ZFYVE9: variants seen among roughly 807,000 people sequenced by gnomAD.
ZFYVE9 encodes the protein zinc finger FYVE domain-containing protein 9.
A neutral mutation model predicts 126.7 loss-of-function variants in ZFYVE9; 43 were observed. The ratio of observed to expected loss-of-function variants is 0.34; its 90% CI spans 0.27 to 0.44. ZFYVE9 has a LOEUF of 0.44. ZFYVE9 is among the 20% of genes least tolerant of loss of function. The pLI is 1.00. For missense variants in ZFYVE9, 1,476 were observed against 1,697.0 expected (o/e 0.87, Z 2.29); for synonymous variants, 521 against 597.4 (o/e 0.87, Z 1.87).
chr1:52,261,554 A>G (rs895946943), intron 4 of ZFYVE9, among the ~76,000 whole-genome samples: 1 of 152,208 alleles, frequency 6.6e-6, no homozygotes. Context: ...ATATTTGTGG[A>G]ATAAATGAGT....
intron 4 of ZFYVE9, among the ~76,000 whole-genome samples, chr1:52,255,977 T>TTCCTTCCTTCC (rs1557484297): frequency 1.5e-5 from 2 of 135,292 alleles, no homozygotes; most frequent in African/African-American, 6.7e-5. Context: ...TCTTTCTTTC[T>TTCCTTCCTTCC]TTCTTTCCTT....
chr1:52,288,714 C>G (rs184973593), intron 10 of ZFYVE9, among the ~76,000 whole-genome samples: 7 of 152,020 alleles, frequency 4.6e-5, no homozygotes, highest in African/African-American at 1.4e-4. Flanking sequence ...CACTTGAGGT[C>G]GTGAGTTTGA....
chr1:52,293,847 A>G (rs564540451), intron 11 of ZFYVE9, among the ~76,000 whole-genome samples, 170 bp downstream of exon 11: 14 of 152,362 alleles, frequency 9.2e-5, no homozygotes, highest in Admixed American at 6.5e-5. Context: ...ACTGAAAATA[A>G]CGAATGAGGA....
intron 1 of ZFYVE9, among the ~76,000 whole-genome samples, chr1:52,196,951 A>G (rs1469130590): frequency 6.6e-6 from 1 of 152,180 alleles, no homozygotes; most frequent in East Asian, 1.9e-4. Flanking sequence ...GAGTCTTGAT[A>G]TTATATTTAA....
chr1:52,314,365 A>T (rs1031035305), intron 13 of ZFYVE9, among the ~76,000 whole-genome samples: 1 of 152,210 alleles, frequency 6.6e-6, no homozygotes, highest in East Asian at 1.9e-4. Context: ...CCTATATTTT[A>T]TACCCAGTAA....
Position 52,238,310 on chromosome 1 carries a change from G to A in ZFYVE9, c.893G>A (p.Ser298Asn), listed in dbSNP as rs1347247272. ...IPDEDLTGKI[S>N]SPRTDLGSPN... ...GATGAGGACCTCACTGGCAAAATCA[G>A]CTCTCCTAGGACAGATCTAGGGAGT... Residue 298 changes from serine (S) to asparagine (N), a missense_variant, in exon 4 of 19, where the codon AGC (serine) becomes AAC (asparagine). By Grantham distance (46) the Ser-to-Asn change is conservative. Transcript: ENST00000287727. The A allele has an allele frequency of 6.2e-7, 1 of 1,613,758 alleles. No homozygotes were observed. The highest frequency in any genetic ancestry group is 1.7e-5 in the Admixed American group (1 of 59,998).
rs749250100 is a variant in ZFYVE9 at position 52,332,872 on chromosome 1, A to C, written c.3543A>C (p.Gly1181=). ...TTGTGTGTGTACAGAATGATGATGG[A>C]AACTATCAGACCCAGGCTATCAGTA... is the stretch of plus-strand genomic sequence containing the variant. ...SHLVCVQNDD[G]NYQTQAISIH... Residue 1181 remains glycine, a synonymous_variant, in exon 14 of 19, where the codon GGA becomes GGC. Transcript: ENST00000287727. 4 of 1,614,070 alleles carry C rather than the reference A, an allele frequency of 2.5e-6. No individual in the cohort carries two copies. The highest frequency in any genetic ancestry group is 1.7e-6 in the Non-Finnish European group (2 of 1,180,022).
At chr1:52,242,406 C>T (rs2124635697) in intron 4 of ZFYVE9, among the ~76,000 whole-genome samples, 1 of 152,238 alleles carries the variant, frequency 6.6e-6, no homozygotes, top group East Asian at 1.9e-4. Flanking sequence ...AATTCAGTTC[C>T]AAGCTTGATG....
chr1:52,186,013 G>A (rs1484456156), intron 1 of ZFYVE9, among the ~76,000 whole-genome samples: 1 of 151,054 alleles, frequency 6.6e-6, no homozygotes, highest in African/African-American at 2.4e-5. Flanking sequence ...GGCCGAGACG[G>A]GTGGATCACT....
intron 10 of ZFYVE9, among the ~76,000 whole-genome samples, chr1:52,286,133 G>A (rs1336246681): frequency 1.3e-5 from 2 of 149,780 alleles, no homozygotes; most frequent in Non-Finnish European, 3.0e-5. Context: ...TCCAGCTTGG[G>A]CAACAAGAAT....
chr1:52,302,935 C>G (rs1646049145), intron 12 of ZFYVE9, among the ~76,000 whole-genome samples: 1 of 152,042 alleles, frequency 6.6e-6, no homozygotes, highest in South Asian at 2.1e-4. Context: ...CATGGTGAAA[C>G]CTTGTCTCTA....
At chr1:52,269,856 T>G (rs1204977597) in intron 7 of ZFYVE9, among the ~76,000 whole-genome samples, 1 of 152,012 alleles carries the variant, frequency 6.6e-6, no homozygotes, top group African/African-American at 2.4e-5. Context: ...GCCGCAGACA[T>G]GGCTCTCTGC....
chr1:52,302,103 C>T (rs1269599715), intron 12 of ZFYVE9, among the ~76,000 whole-genome samples: 1 of 152,154 alleles, frequency 6.6e-6, no homozygotes. Flanking sequence ...TTTAGTAATT[C>T]TAACTTCTTG....
chr1:52,315,756 T>TA (rs554191419), intron 13 of ZFYVE9, among the ~76,000 whole-genome samples: 8 of 151,820 alleles, frequency 5.3e-5, no homozygotes, highest in Admixed American at 2.0e-4. Context: ...CCAGCCATAT[T>TA]AAAAAAAATG....
At chr1:52,236,529 C>T (rs1035338059) in intron 3 of ZFYVE9, among the ~76,000 whole-genome samples, 9 of 152,118 alleles carry the variant, frequency 5.9e-5, no homozygotes, top group Admixed American at 3.3e-4. Context: ...GTGCATTGTT[C>T]CTTATTTCTC....
At chr1:52,219,985 C>T (rs2124601784) in intron 2 of ZFYVE9, among the ~76,000 whole-genome samples, 1 of 152,070 alleles carries the variant, frequency 6.6e-6, no homozygotes, top group East Asian at 1.9e-4. Context: ...ACCATATTGG[C>T]CAGGCTGGTC....
intron 1 of ZFYVE9, among the ~76,000 whole-genome samples, chr1:52,151,377 T>C (rs771064278): frequency 8.5e-5 from 13 of 152,180 alleles, no homozygotes; most frequent in Non-Finnish European, 1.6e-4. Context: ...TGGAGAGTTT[T>C]ATTGATTTTC....
At chr1:52,287,974 C>T (rs965112831) in intron 10 of ZFYVE9, among the ~76,000 whole-genome samples, 2 of 152,060 alleles carry the variant, frequency 1.3e-5, no homozygotes, top group Admixed American at 6.6e-5. Context: ...TGCAAAGTAA[C>T]TTTTCAACTG....
At chr1:52,280,491 T>C (rs888828756) in intron 9 of ZFYVE9, among the ~76,000 whole-genome samples, 12 of 152,232 alleles carry the variant, frequency 7.9e-5, no homozygotes, top group African/African-American at 2.9e-4. Flanking sequence ...AAGATGTCTT[T>C]GTTTTTTTGA....
Sources: allele counts gnomAD v4.1 joint callset (sites outside exome capture counted in the v4.1 genomes callset), GRCh38; gene constraint gnomAD v4.1.1; transcripts MANE v1.5; gene names NCBI Gene and HGNC (gene_info 2026-07-23, HGNC 2026-07-21).